PRKD3: variants seen among roughly 807,000 people sequenced by gnomAD.
The protein encoded by PRKD3 is protein kinase D3.
PRKD3 carries 47 observed loss-of-function variants against 99.2 expected under a neutral mutation model. The ratio of observed to expected loss-of-function variants is 0.47; its 90% CI spans 0.38 to 0.60. The LOEUF is 0.60. PRKD3 is among the 20% of genes least tolerant of loss of function. The probability of loss-of-function intolerance (pLI) is 0.00; values close to 1 mark genes in which losing one functional copy is unlikely to be tolerated. For synonymous variants in PRKD3, 392 were observed against 355.4 expected (o/e 1.10, Z -1.16); for missense variants, 1,019 against 1,088.4 (o/e 0.94, Z 0.90).
chr2:37,323,364 C>A (rs2192945), intron 1 of PRKD3, among the ~76,000 whole-genome samples: 1 of 151,680 alleles, frequency 6.6e-6, no homozygotes, highest in Non-Finnish European at 1.5e-5. Flanking sequence ...GAACCTGGCT[C>A]GTCAAGGAGT....
rs56389006 is a variant in PRKD3, at chr2:37,256,628, ATTTTTTTTTTTTTT to A, written c.2413+20_2413+33del. 1.2e-4 allele frequency: 147 copies of A among 1,202,264 alleles called. No individual in the cohort carries two copies. The highest frequency in any genetic ancestry group is 4.5e-4 in the South Asian group (25 of 55,202). 74.5% of individuals were successfully genotyped at this position (1,202,264 alleles called of 1,614,324 possible). On this transcript the variant is annotated intron_variant, in intron 17 of 18. Coordinates refer to ENST00000234179, the MANE Select transcript of PRKD3 (RefSeq NM_005813.6). ...TTTAGGCTTAAAACACATAGCCAAA[ATTTTTTTTTTTTTT>A]TTTTTTTTTTTTTTTTTACCTTCAC... is the stretch of plus-strand genomic sequence containing the variant.
intron 5 of PRKD3, among the ~76,000 whole-genome samples, chr2:37,287,262 A>AAAG (rs1670155636): frequency 1.2e-5 from 1 of 80,426 alleles, no homozygotes; most frequent in Admixed American, 1.8e-4. Flanking sequence ...AAAAAAAAAA[A>AAAG]AAAAAGAAAA....
At chr2:37,286,966 CA>C (rs1670123547) in intron 5 of PRKD3, among the ~76,000 whole-genome samples, 1 of 151,946 alleles carries the variant, frequency 6.6e-6, no homozygotes, top group Non-Finnish European at 1.5e-5. Flanking sequence ...CGTGGTGGCT[CA>C]CGCCTGTAAT....
chr2:37,322,196 T>C (rs1401900438), intron 1 of PRKD3, among the ~76,000 whole-genome samples: 1 of 152,232 alleles, frequency 6.6e-6, no homozygotes, highest in African/African-American at 2.4e-5. Flanking sequence ...TGTCCATGTT[T>C]TGACATAGGT....
chr2:37,308,006 G>T (rs114519370), intron 2 of PRKD3, among the ~76,000 whole-genome samples: 2 of 152,222 alleles, frequency 1.3e-5, no homozygotes, highest in African/African-American at 4.8e-5. Context: ...CCCATACTGC[G>T]AACGCCAATT....
At chr2:37,306,992 C>A (rs1283526091) in intron 2 of PRKD3, among the ~76,000 whole-genome samples, 1 of 152,124 alleles carries the variant, frequency 6.6e-6, no homozygotes, top group African/African-American at 2.4e-5. Flanking sequence ...GCTATTACTC[C>A]ATCAGTTTAA....
At chr2:37,299,399 G>GT (rs1215915882) in intron 2 of PRKD3, among the ~76,000 whole-genome samples, 1 of 151,974 alleles carries the variant, frequency 6.6e-6, no homozygotes, top group African/African-American at 2.4e-5. Flanking sequence ...GTCGGGCACA[G>GT]TGACTCACAC....
intron 2 of PRKD3, among the ~76,000 whole-genome samples, chr2:37,298,942 T>G (rs1670790151): frequency 6.6e-6 from 1 of 152,182 alleles, no homozygotes; most frequent in South Asian, 2.1e-4. Flanking sequence ...ATTGCTCTAC[T>G]TAAGACTTCC....
At position 37,291,211 on chromosome 2, in the gene PRKD3, C is replaced by A. The variant is rs1670407341; in HGVS notation, c.428-212G>T. ...CATCATTTGAGCTCCAGAAGTAGGTCATAGGTTAGTTATTTGGAACTCCAA... is the reference window on the plus strand; with the variant it reads ...CATCATTTGAGCTCCAGAAGTAGGTAATAGGTTAGTTATTTGGAACTCCAA... On this transcript the variant is annotated intron_variant, in intron 3 of 18. Coordinates refer to ENST00000234179, the MANE Select transcript of PRKD3 (RefSeq NM_005813.6). Among the ~76,000 whole-genome samples the A allele has an allele frequency of 2.0e-5, 3 of 152,098 alleles. No homozygotes were observed. The South Asian group carries it at 6.2e-4, about 32-fold the overall frequency.
chr2:37,268,483 A>C (rs1449391391), intron 13 of PRKD3: 1 of 379,608 alleles, frequency 2.6e-6, no homozygotes, highest in Non-Finnish European at 5.2e-6. Context: ...AGATCCAGAC[A>C]TCTCACAGCC....
intron 14 of PRKD3, among the ~76,000 whole-genome samples, chr2:37,266,669 G>A (rs563157260): frequency 2.0e-4 from 31 of 152,136 alleles, no homozygotes; most frequent in African/African-American, 7.5e-4. Flanking sequence ...TTTGTATTTA[G>A]TAGAGATGGG....
intron 2 of PRKD3, among the ~76,000 whole-genome samples, chr2:37,294,763 C>A (rs1026625348): frequency 2.0e-5 from 3 of 152,144 alleles, no homozygotes; most frequent in Non-Finnish European, 4.4e-5. Flanking sequence ...GGACAAAGGA[C>A]TCCACATTCC....
At position 37,251,404 on chromosome 2, in the gene PRKD3, C is replaced by G. The variant is rs547511671; in HGVS notation, c.*1773G>C. On this transcript the variant is annotated 3_prime_UTR_variant, in exon 19 of 19. Transcript: ENST00000234179. ...AAATTTGGCAGTAAGTTAATCTCCC[C>G]TTGCCTCAGTTTTCTTATCTTTAAG... is the stretch of plus-strand genomic sequence containing the variant. The G allele has an allele frequency of 6.6e-6, 1 of 152,508 alleles. No individual in the cohort carries two copies. Among genetic ancestry groups the G allele is most frequent in the African/African-American group, 2.4e-5 (1 of 41,414 alleles). The allele number at this position is 152,508 out of a possible 1,614,324, so 9.4% of individuals were successfully genotyped here. A position where few individuals can be genotyped will look rare whatever the true frequency, so the allele number is the denominator to read the frequency against.
At chr2:37,296,722 C>T (rs967711077) in intron 2 of PRKD3, among the ~76,000 whole-genome samples, 2 of 151,492 alleles carry the variant, frequency 1.3e-5, no homozygotes, top group Non-Finnish European at 1.5e-5. Context: ...ACGGTGAAAC[C>T]CCATCTCTAC....
intron 2 of PRKD3, among the ~76,000 whole-genome samples, chr2:37,301,902 T>C (rs1429060103): frequency 1.3e-5 from 2 of 152,224 alleles, no homozygotes; most frequent in Non-Finnish European, 2.9e-5. Context: ...GACAATGTCC[T>C]GAGACATCTT....
chr2:37,316,199 A>G (rs1671647371), intron 2 of PRKD3, 38 bp downstream of exon 2: 4 of 1,521,218 alleles, frequency 2.6e-6, no homozygotes, highest in Admixed American at 1.8e-5. Flanking sequence ...AACATCAGTA[A>G]CAATATTATT....
intron 16 of PRKD3, among the ~76,000 whole-genome samples, chr2:37,258,041 T>G (rs1668119845): frequency 6.6e-6 from 1 of 152,184 alleles, no homozygotes; most frequent in Non-Finnish European, 1.5e-5. Context: ...GGCTCAAATC[T>G]GGGGGATTAA....
chr2:37,284,265 T>TTA, intron 6 of PRKD3, among the ~76,000 whole-genome samples: 1 of 152,302 alleles, frequency 6.6e-6, no homozygotes, highest in Non-Finnish European at 1.5e-5. Flanking sequence ...TGAATTATAA[T>TTA]TATTTTAATA....
chr2:37,306,598 C>T (rs72863189), intron 2 of PRKD3, among the ~76,000 whole-genome samples: 2,483 of 152,172 alleles, frequency 0.016, 40 homozygotes, highest in African/African-American at 0.042. Context: ...CGCTTGAGCC[C>T]GAGAGTTCAA....
Sources: gnomAD v4.1 joint callset for allele counts (sites outside exome capture counted in the v4.1 genomes callset) on GRCh38, gnomAD v4.1.1 for gene constraint, MANE v1.5 for transcripts, NCBI Gene and HGNC (gene_info 2026-07-23, HGNC 2026-07-21) for gene names.